Variants in ARL15 observed in about 807,000 individuals in gnomAD.
ARL15 encodes the protein ARF like GTPase 15.
Under a neutral mutation model 25.2 loss-of-function variants are expected in ARL15, and 19 were observed. The observed-to-expected ratio is 0.75, with a 90% CI of 0.53 to 1.10. The LOEUF (loss-of-function observed/expected upper bound fraction) is 1.10, where lower values mean the gene tolerates loss of function less well. ARL15 is among the 50% of genes least tolerant of loss of function. ARL15 has a pLI of 0.00. For missense variants in ARL15, 220 were observed against 246.0 expected, an observed-to-expected ratio of 0.89 and a Z score of 0.71; for synonymous variants, 94 against 86.8, an observed-to-expected ratio of 1.08 and a Z score of -0.46.
intron 2 of ARL15, 81 bp downstream of exon 2, chr5:54,171,703 G>A (rs1373868576): frequency 2.6e-5 from 37 of 1,439,110 alleles, no homozygotes; most frequent in Middle Eastern, 2.5e-4. Flanking sequence ...ATAAGTAGAA[G>A]GGAGGGGATA....
chr5:54,163,914 T>C (rs1665537173), intron 2 of ARL15, among the ~76,000 whole-genome samples: 1 of 152,028 alleles, frequency 6.6e-6, no homozygotes, highest in African/African-American at 2.4e-5. Context: ...CTTTGATCTT[T>C]ATTTTCTTCT....
chr5:54,309,290 T>C (rs1758837021), intron 1 of ARL15, among the ~76,000 whole-genome samples: 1 of 152,224 alleles, frequency 6.6e-6, no homozygotes, highest in African/African-American at 2.4e-5. Flanking sequence ...CATCAAGCTC[T>C]GAAGCATTAG....
At chr5:54,072,172 A>G (rs1467083532) in intron 4 of ARL15, among the ~76,000 whole-genome samples, 1 of 152,134 alleles carries the variant, frequency 6.6e-6, no homozygotes, top group Non-Finnish European at 1.5e-5. Flanking sequence ...TAAAAATCAT[A>G]CTGTGTACAA....
intron 3 of ARL15, among the ~76,000 whole-genome samples, chr5:54,135,492 C>A (rs557470296): frequency 8.4e-4 from 128 of 152,304 alleles, no homozygotes; most frequent in African/African-American, 2.9e-3. Context: ...GAATACATGA[C>A]ACCTAAATTC....
rs10066160 is a variant in ARL15 at position 53,888,188 on chromosome 5, A to G, written c.463-1475T>C. On this transcript the variant is annotated intron_variant, in intron 4 of 4. Coordinates refer to ENST00000504924, the MANE Select transcript of ARL15 (RefSeq NM_019087.3). ...CAGAAAATGGATATACAACTTCAGA[A>G]CAATTTTTTGCCCAAGGTGTTTTAT... 9.5e-3 allele frequency among the ~76,000 whole-genome samples: 1,449 copies of G among 152,236 alleles called. 27 individuals are homozygous for G. Among genetic ancestry groups the G allele is most frequent in the African/African-American group, 0.033 (1,374 of 41,562 alleles).
At chr5:54,153,754 C>T (rs1004043473) in intron 3 of ARL15, among the ~76,000 whole-genome samples, 3 of 151,998 alleles carry the variant, frequency 2.0e-5, no homozygotes, top group Non-Finnish European at 4.4e-5. Context: ...ATTAAAATGG[C>T]GTAAAGTTGG....
chr5:53,923,336 T>C (rs1173590307), intron 4 of ARL15, among the ~76,000 whole-genome samples: 1 of 152,212 alleles, frequency 6.6e-6, no homozygotes, highest in Non-Finnish European at 1.5e-5. Context: ...AAACTTTACA[T>C]CTGCATAAAA....
At chr5:54,213,362 G>C (rs995784519) in intron 1 of ARL15, among the ~76,000 whole-genome samples, 4 of 152,174 alleles carry the variant, frequency 2.6e-5, no homozygotes, top group African/African-American at 4.8e-5. Flanking sequence ...GGATGCTCGA[G>C]TCACCCCCTC....
intron 4 of ARL15, among the ~76,000 whole-genome samples, chr5:54,047,677 C>T (rs1238300798): frequency 6.6e-6 from 1 of 152,172 alleles, no homozygotes; most frequent in Non-Finnish European, 1.5e-5. Flanking sequence ...GGAAAGACAA[C>T]AGTTATTCAC....
At chr5:53,990,896 A>G (rs1335437476) in intron 4 of ARL15, among the ~76,000 whole-genome samples, 1 of 152,140 alleles carries the variant, frequency 6.6e-6, no homozygotes, top group African/African-American at 2.4e-5. Context: ...TTTTGAAATT[A>G]TGTGCTAATT....
At chr5:53,957,925 T>C (rs180917311) in intron 4 of ARL15, among the ~76,000 whole-genome samples, 250 of 152,250 alleles carry the variant, frequency 1.6e-3, no homozygotes, top group African/African-American at 5.9e-3. Context: ...AAAAGACAAA[T>C]GTGGCCAGGC....
chr5:54,161,083 T>A (rs1009518328), intron 2 of ARL15, among the ~76,000 whole-genome samples: 2 of 152,134 alleles, frequency 1.3e-5, no homozygotes, highest in African/African-American at 4.8e-5. Context: ...TAAATGTAAA[T>A]CTAATTTTTA....
At chr5:54,107,388 C>T (rs1208925770) in intron 4 of ARL15, among the ~76,000 whole-genome samples, 2 of 151,996 alleles carry the variant, frequency 1.3e-5, no homozygotes, top group Non-Finnish European at 1.5e-5. Flanking sequence ...AAAAGGAATC[C>T]GATGCACATT....
chr5:54,173,773 C>G (rs534115953), intron 1 of ARL15, among the ~76,000 whole-genome samples: 41 of 152,198 alleles, frequency 2.7e-4, no homozygotes, highest in South Asian at 2.3e-3. Flanking sequence ...CTTTGCCCAG[C>G]TCTCGAGCCC....
chr5:54,249,056 T>C (rs976821160), intron 1 of ARL15, among the ~76,000 whole-genome samples: 1 of 149,840 alleles, frequency 6.7e-6, no homozygotes, highest in Non-Finnish European at 1.5e-5. Context: ...TAATAAAAAA[T>C]AAAAAAAAGA....
intron 1 of ARL15, among the ~76,000 whole-genome samples, chr5:54,292,813 TA>T (rs1055339754): frequency 1.5e-4 from 23 of 152,008 alleles, no homozygotes; most frequent in African/African-American, 5.3e-4. Flanking sequence ...TTTCTCATAT[TA>T]AAAAAACAAA....
At chr5:54,199,529 A>G (rs930264670) in intron 1 of ARL15, among the ~76,000 whole-genome samples, 5 of 152,080 alleles carry the variant, frequency 3.3e-5, no homozygotes, top group African/African-American at 1.2e-4. Flanking sequence ...TGCAGCCAAA[A>G]AACACATGAA....
intron 4 of ARL15, among the ~76,000 whole-genome samples, chr5:54,068,821 G>A (rs1013023671): frequency 6.6e-6 from 1 of 152,174 alleles, no homozygotes; most frequent in African/African-American, 2.4e-5. Context: ...CCAAATGGCA[G>A]CGTAATTAGG....
chr5:54,109,259 T>C (rs76784858), intron 4 of ARL15, among the ~76,000 whole-genome samples: 168 of 152,160 alleles, frequency 1.1e-3, no homozygotes, highest in Non-Finnish European at 2.1e-3. Context: ...AGTCTTCATA[T>C]TTCTCAATTA....
Sources: gnomAD v4.1 joint callset for allele counts (sites outside exome capture counted in the v4.1 genomes callset) on GRCh38, gnomAD v4.1.1 for gene constraint, MANE v1.5 for transcripts, NCBI Gene and HGNC (gene_info 2026-07-23, HGNC 2026-07-21) for gene names.